Variants in RAB10 observed in about 807,000 individuals in gnomAD.
RAB10 encodes the protein RAB10, member RAS oncogene family.
RAB10 carries 5 observed loss-of-function variants against 25.7 expected under a neutral mutation model. The ratio of observed to expected loss-of-function variants is 0.19; its 90% CI spans 0.10 to 0.41. The LOEUF (loss-of-function observed/expected upper bound fraction) is 0.41. Ranked by LOEUF, RAB10 falls within the 10% of genes least tolerant of loss-of-function variation. RAB10 has a pLI of 1.00. For synonymous variants in RAB10, 89 were observed against 86.4 expected (o/e 1.03, Z -0.16); for missense variants, 103 against 245.8 (o/e 0.42, Z 3.89).
intron 1 of RAB10, among the ~76,000 whole-genome samples, chr2:26,052,689 A>G (rs776002363): frequency 3.3e-5 from 5 of 151,970 alleles, no homozygotes; most frequent in African/African-American, 1.2e-4. Flanking sequence ...CATTGTACAC[A>G]TTTGTATTTA....
At chr2:26,071,927 C>T (rs1242789351) in intron 1 of RAB10, among the ~76,000 whole-genome samples, 14 of 152,080 alleles carry the variant, frequency 9.2e-5, no homozygotes, top group Admixed American at 9.2e-4. Flanking sequence ...GTGAGTGTGA[C>T]AGCTTTTCTG....
chr2:26,118,931 G>GT (rs1667744838), intron 3 of RAB10, among the ~76,000 whole-genome samples: 1 of 152,190 alleles, frequency 6.6e-6, no homozygotes, highest in Non-Finnish European at 1.5e-5. Flanking sequence ...TGTTTTTGCC[G>GT]TAAGTGGTTG....
intron 2 of RAB10, among the ~76,000 whole-genome samples, chr2:26,106,947 A>G (rs2149282940): frequency 6.7e-6 from 1 of 150,136 alleles, no homozygotes; most frequent in Admixed American, 6.6e-5. Flanking sequence ...TCTTTGGAAC[A>G]TAAGACTACG....
At chr2:26,119,846 T>C (rs1348008112) in intron 3 of RAB10, among the ~76,000 whole-genome samples, 2 of 152,198 alleles carry the variant, frequency 1.3e-5, no homozygotes, top group Non-Finnish European at 2.9e-5. Context: ...ATTTTTGAGC[T>C]AGAATTATAT....
chr2:26,036,440 C>T (rs1373469471), intron 1 of RAB10, among the ~76,000 whole-genome samples: 3 of 152,070 alleles, frequency 2.0e-5, no homozygotes, highest in Non-Finnish European at 4.4e-5. Context: ...GCGGGCGGAT[C>T]ACAAGGTCGG....
chr2:26,104,120 A>G (rs1180154555), intron 2 of RAB10, among the ~76,000 whole-genome samples: 2 of 152,214 alleles, frequency 1.3e-5, no homozygotes, highest in African/African-American at 4.8e-5. Flanking sequence ...GTTGGATCAT[A>G]TGGTACCTCC....
chr2:26,048,799 C>CTTG (rs1666071245), intron 1 of RAB10, among the ~76,000 whole-genome samples: 1 of 152,086 alleles, frequency 6.6e-6, no homozygotes, highest in Non-Finnish European at 1.5e-5. Flanking sequence ...CAGCTGAGGC[C>CTTG]AGGGAGGTTG....
At position 26,135,832 on chromosome 2, in the gene RAB10, T is replaced by C. The variant is rs1478387238; in HGVS notation, c.*811T>C. 6.6e-6 allele frequency: 1 copy of C among 152,608 alleles called. No individual in the cohort carries two copies. Among genetic ancestry groups the C allele is most frequent in the African/African-American group, 2.4e-5 (1 of 41,442 alleles). The allele number at this position is 152,608 out of a possible 1,614,324, so 9.5% of individuals were successfully genotyped here. A position where few individuals can be genotyped will look rare whatever the true frequency, so the allele number is the denominator to read the frequency against. The stretch of plus-strand genomic sequence containing the variant: ...TGCTTCTCCCTCCCCAACCACCTCA[T>C]GGTATATTTAAGAGTGAAAGGGACA... On this transcript the variant is annotated 3_prime_UTR_variant, in exon 6 of 6. Transcript: ENST00000264710.
chr2:26,083,242 G>A (rs1371089276), intron 1 of RAB10, among the ~76,000 whole-genome samples: 1 of 152,090 alleles, frequency 6.6e-6, no homozygotes, highest in Non-Finnish European at 1.5e-5. Context: ...AGACTGTGTT[G>A]TTATATACAT....
At chr2:26,033,838 G>C (rs1665692704), upstream of RAB10, among the ~76,000 whole-genome samples, 1 of 152,218 alleles carries the variant, frequency 6.6e-6, no homozygotes, top group Non-Finnish European at 1.5e-5. Flanking sequence ...TCGCTAGGTA[G>C]CGTCTCCCCC....
chr2:26,034,715 C>G lies in RAB10; in HGVS notation c.107C>G (p.Thr36Ser). 2 of 1,614,228 alleles carry G rather than the reference C, an allele frequency of 1.2e-6. No homozygotes were observed. The highest frequency in any genetic ancestry group is 1.7e-6 in the Non-Finnish European group (2 of 1,180,036). ...CGTTTTTCGGATGATGCCTTCAATACTACCTTTATTTCCACCATAGGTAAG... is the reference window on the plus strand; with the variant it reads ...CGTTTTTCGGATGATGCCTTCAATAGTACCTTTATTTCCACCATAGGTAAG... Reference protein sequence around the residue: ...LFRFSDDAFNTTFISTIGIDF... With the variant: ...LFRFSDDAFNSTFISTIGIDF... Residue 36 changes from threonine (T) to serine (S), a missense_variant, in exon 1 of 6, where the codon ACT (threonine) becomes AGT (serine). Around this residue, in one of 2 missense-constraint regions of RAB10, gnomAD observed 79 missense variants for 217.8 expected, o/e 0.36. Coordinates refer to ENST00000264710, the MANE Select transcript of RAB10 (RefSeq NM_016131.5).
chr2:26,041,535 C>T (rs376916839), intron 1 of RAB10, among the ~76,000 whole-genome samples: 4 of 122,428 alleles, frequency 3.3e-5, no homozygotes, highest in South Asian at 2.5e-4. Context: ...AAGAGTGAGA[C>T]GCTGACTCAA....
intron 1 of RAB10, chr2:26,098,448 G>T: frequency 2.1e-6 from 1 of 484,250 alleles, no homozygotes; most frequent in South Asian, 2.3e-5. Flanking sequence ...CCAAAACTTG[G>T]TCTTTTCTGT....
chr2:26,046,186 A>G (rs889479880), intron 1 of RAB10, among the ~76,000 whole-genome samples: 3 of 152,182 alleles, frequency 2.0e-5, no homozygotes, highest in Non-Finnish European at 4.4e-5. Flanking sequence ...TTAGCTGGGC[A>G]TGGTGGCGCA....
intron 1 of RAB10, among the ~76,000 whole-genome samples, chr2:26,086,512 T>C (rs1372420088): frequency 6.6e-6 from 1 of 152,228 alleles, no homozygotes; most frequent in Non-Finnish European, 1.5e-5. Flanking sequence ...CTCATGTGAA[T>C]GTAAAATGGT....
At chr2:26,051,023 A>G (rs1666120893) in intron 1 of RAB10, among the ~76,000 whole-genome samples, 2 of 151,872 alleles carry the variant, frequency 1.3e-5, no homozygotes, top group South Asian at 4.2e-4. Context: ...GGCTCAAGAG[A>G]TCTTCCTGGG....
chr2:26,111,202 C>T (rs527712466), intron 3 of RAB10, among the ~76,000 whole-genome samples: 1 of 152,088 alleles, frequency 6.6e-6, no homozygotes, highest in Non-Finnish European at 1.5e-5. Context: ...AATATTAGAC[C>T]CAAGATAATA....
chr2:26,103,045 C>T (rs1338625706), intron 2 of RAB10, among the ~76,000 whole-genome samples: 1 of 152,100 alleles, frequency 6.6e-6, no homozygotes, highest in African/African-American at 2.4e-5. Flanking sequence ...TCTTATTGTT[C>T]ATTATCCCTC....
intron 5 of RAB10, among the ~76,000 whole-genome samples, chr2:26,129,027 C>T (rs576775588): frequency 4.6e-5 from 7 of 152,244 alleles, no homozygotes; most frequent in African/African-American, 1.4e-4. Flanking sequence ...AATCCCAGCA[C>T]TTTGGGAGGC....
Sources: gnomAD v4.1 joint callset for allele counts (sites outside exome capture counted in the v4.1 genomes callset) on GRCh38, gnomAD v4.1.1 for gene constraint, gnomAD v4.1.1 regional missense constraint, MANE v1.5 for transcripts, NCBI Gene and HGNC (gene_info 2026-07-23, HGNC 2026-07-21) for gene names.